The following FILIP1 variants were observed in gnomAD, a reference collection of about 807,000 sequenced individuals.
FILIP1 encodes the protein filamin A interacting protein 1.
FILIP1 carries 61 observed loss-of-function variants against 102.1 expected under a neutral mutation model. The observed-to-expected ratio is 0.60, with a 90% CI of 0.49 to 0.74. FILIP1 has a LOEUF of 0.74. Ranked by LOEUF, FILIP1 falls within the 30% of genes least tolerant of loss-of-function variation. FILIP1 has a pLI of 0.00. For missense variants in FILIP1, 1,314 were observed against 1,441.2 expected (o/e 0.91, Z 1.43); for synonymous variants, 491 against 526.9 (o/e 0.93, Z 0.93).
intron 4 of FILIP1, among the ~76,000 whole-genome samples, chr6:75,326,564 T>A (rs1480529008): frequency 2.6e-5 from 4 of 152,194 alleles, no homozygotes; most frequent in Admixed American, 2.6e-4. Flanking sequence ...TAATACCTAA[T>A]TTTGACAACA....
chr6:75,374,734 AGAT>A (rs1775698556), intron 2 of FILIP1, among the ~76,000 whole-genome samples: 1 of 152,168 alleles, frequency 6.6e-6, no homozygotes, highest in Non-Finnish European at 1.5e-5. Context: ...AGGTACAACT[AGAT>A]GACATTTTCT....
At chr6:75,456,554 T>C (rs1486306196) in intron 1 of FILIP1, among the ~76,000 whole-genome samples, 1 of 151,538 alleles carries the variant, frequency 6.6e-6, no homozygotes. Flanking sequence ...AAGAGTATTC[T>C]TTTTTCTTTT....
Position 75,313,172 on chromosome 6 carries a change from C to G in FILIP1, c.2660G>C (p.Gly887Ala). The G allele has an allele frequency of 1.2e-6, 2 of 1,614,060 alleles. No homozygotes were observed. The highest frequency in any genetic ancestry group is 1.7e-6 in the Non-Finnish European group (2 of 1,179,994). Residue 887 changes from glycine (G) to alanine (A), a missense_variant, in exon 5 of 6, where the codon GGG becomes GCG. Transcript: ENST00000237172. This position sits in a 1 kb window ranked among gnomAD's most constrained non-coding sequence, Gnocchi z 4.2. ...ENGPSITQEKGPRTNSSPGHP... is the reference protein window; with the variant it reads ...ENGPSITQEKAPRTNSSPGHP... ...CCCTGGACTGGAATTTGTTCGGGGC[C>G]CTTTCTCCTGAGTGATGGAGGGGCC...
At chr6:75,458,705 G>T in intron 1 of FILIP1, 1 of 152,088 alleles carries the variant, frequency 6.6e-6, no homozygotes, top group African/African-American at 2.4e-5. Flanking sequence ...TTATTTATAG[G>T]AAAAGAAGCA....
At chr6:75,392,268 T>C (rs1359851176) in intron 2 of FILIP1, among the ~76,000 whole-genome samples, 1 of 152,150 alleles carries the variant, frequency 6.6e-6, no homozygotes, top group South Asian at 2.1e-4. Context: ...GGACTTTAAA[T>C]AGCATCTATA....
intron 4 of FILIP1, among the ~76,000 whole-genome samples, chr6:75,330,202 T>A (rs190180783): frequency 6.6e-6 from 1 of 152,314 alleles, no homozygotes; most frequent in East Asian, 1.9e-4. Flanking sequence ...TTTTTTGGCA[T>A]CACCTTAAAT....
At chr6:75,345,618 T>C (rs1424105121) in intron 4 of FILIP1, among the ~76,000 whole-genome samples, 2 of 152,152 alleles carry the variant, frequency 1.3e-5, no homozygotes, top group African/African-American at 4.8e-5. Flanking sequence ...CCGTGCGCTA[T>C]GTAAACGTCA....
chr6:75,400,802 GAGACA>G (rs1776630318), intron 2 of FILIP1, among the ~76,000 whole-genome samples: 1 of 152,024 alleles, frequency 6.6e-6, no homozygotes, highest in Non-Finnish European at 1.5e-5. Flanking sequence ...TTGACAAAAA[GAGACA>G]CTTTACTTTT....
intron 1 of FILIP1, among the ~76,000 whole-genome samples, chr6:75,462,444 G>A (rs1176158222): frequency 6.6e-6 from 1 of 152,074 alleles, no homozygotes; most frequent in Non-Finnish European, 1.5e-5. Flanking sequence ...ACCCAATCAG[G>A]ACAGATAACA....
At chr6:75,407,767 A>G (rs1248708955) in intron 2 of FILIP1, among the ~76,000 whole-genome samples, 1 of 152,196 alleles carries the variant, frequency 6.6e-6, no homozygotes, top group Non-Finnish European at 1.5e-5. Context: ...AAGGGAAAAG[A>G]ATGAAACCAA....
intron 4 of FILIP1, among the ~76,000 whole-genome samples, chr6:75,353,254 A>G (rs1774872729): frequency 6.6e-6 from 1 of 152,204 alleles, no homozygotes; most frequent in Non-Finnish European, 1.5e-5. Flanking sequence ...AAAATAAAAA[A>G]ATAAAGTCCT....
intron 1 of FILIP1, among the ~76,000 whole-genome samples, chr6:75,435,375 T>A (rs1378584662): frequency 6.6e-6 from 1 of 152,240 alleles, no homozygotes; most frequent in East Asian, 1.9e-4. Flanking sequence ...CATTGGAGAT[T>A]TCTTTGCCTC....
At chr6:75,306,461 C>T (rs1772989093), downstream of FILIP1, among the ~76,000 whole-genome samples, 1 of 152,164 alleles carries the variant, frequency 6.6e-6, no homozygotes, top group Non-Finnish European at 1.5e-5. Flanking sequence ...TTCTGACACC[C>T]TCATTCGCTC....
At chr6:75,294,227 T>A (rs1019554353) in exon 7 of FILIP1, 3 of 152,174 alleles carry the variant, frequency 2.0e-5, no homozygotes, top group Non-Finnish European at 2.9e-5. Flanking sequence ...CTTCTAAAGC[T>A]GAGCACAACC....
intron 2 of FILIP1, among the ~76,000 whole-genome samples, chr6:75,389,200 C>T (rs1021063253): frequency 6.6e-6 from 1 of 152,198 alleles, no homozygotes; most frequent in African/African-American, 2.4e-5. Flanking sequence ...TTGAATCAGC[C>T]TTGCATCCCA....
At chr6:75,375,024 A>G (rs926097005) in intron 2 of FILIP1, among the ~76,000 whole-genome samples, 17 of 151,752 alleles carry the variant, frequency 1.1e-4, no homozygotes, top group South Asian at 2.1e-4. Context: ...TTTTCCTGGG[A>G]AAGAACTCAT....
chr6:75,308,616 C>G lies in FILIP1; in HGVS notation c.*75G>C. ...AACTTAAATTAGTACATGTAAAGAACTGGCACAAACAGATGAAGGTTCACT... is the reference window on the plus strand; with the variant it reads ...AACTTAAATTAGTACATGTAAAGAAGTGGCACAAACAGATGAAGGTTCACT... On this transcript the variant is annotated 3_prime_UTR_variant, in exon 6 of 6. Transcript: ENST00000237172. 1 of 1,585,192 alleles carries G rather than the reference C, an allele frequency of 6.3e-7. No individual in the cohort carries two copies. Among genetic ancestry groups the G allele is most frequent in the Admixed American group, 1.7e-5 (1 of 57,514 alleles).
intron 1 of FILIP1, among the ~76,000 whole-genome samples, chr6:75,485,893 C>T (rs1022259046): frequency 2.0e-5 from 3 of 151,644 alleles, no homozygotes; most frequent in African/African-American, 7.3e-5. Flanking sequence ...ACTACCAAAA[C>T]AAAGTCATTT....
At chr6:75,383,076 T>C (rs1775956298) in intron 2 of FILIP1, among the ~76,000 whole-genome samples, 1 of 152,172 alleles carries the variant, frequency 6.6e-6, no homozygotes, top group Non-Finnish European at 1.5e-5. Flanking sequence ...CAAGATTATG[T>C]AAATGCACTG....
Sources: allele counts gnomAD v4.1 joint callset (sites outside exome capture counted in the v4.1 genomes callset), GRCh38; gene constraint gnomAD v4.1.1; non-coding constraint Gnocchi (gnomAD v3.1); transcripts MANE v1.5; gene names NCBI Gene and HGNC (gene_info 2026-07-23, HGNC 2026-07-21).